TOX2: variants seen among roughly 807,000 people sequenced by gnomAD.
TOX2 encodes granulosa cell HMG box 1.
A neutral mutation model predicts 47.4 loss-of-function variants in TOX2; 15 were observed. The observed-to-expected ratio is 0.32, with a 90% CI of 0.21 to 0.49. The LOEUF (loss-of-function observed/expected upper bound fraction) is 0.49. TOX2 is among the 20% of genes least tolerant of loss of function. The probability of loss-of-function intolerance (pLI) is 0.99; values close to 1 mark genes in which losing one functional copy is unlikely to be tolerated. For missense variants in TOX2, 622 were observed against 673.1 expected, an observed-to-expected ratio of 0.92 and a Z score of 0.84; for synonymous variants, 290 against 296.6, an observed-to-expected ratio of 0.98 and a Z score of 0.23.
At chr20:43,917,732 T>C (rs1404698895) in intron 1 of TOX2, among the ~76,000 whole-genome samples, 2 of 152,120 alleles carry the variant, frequency 1.3e-5, no homozygotes, top group Admixed American at 1.3e-4. Context: ...TTTGAGAAAA[T>C]GCACACTAAT....
At chr20:43,998,428 C>T (rs1210871981) in intron 2 of TOX2, among the ~76,000 whole-genome samples, 1 of 152,140 alleles carries the variant, frequency 6.6e-6, no homozygotes, top group South Asian at 2.1e-4. Context: ...GTTCTATGGA[C>T]ATTTGAAAGG....
intron 2 of TOX2, among the ~76,000 whole-genome samples, chr20:43,977,221 G>T (rs1314566051): frequency 6.6e-6 from 1 of 152,158 alleles, no homozygotes; most frequent in Admixed American, 6.5e-5. Flanking sequence ...TCCAGCCTCA[G>T]CCTCCCGAGT....
chr20:43,968,089 C>G (rs115535329), intron 1 of TOX2, among the ~76,000 whole-genome samples: 2 of 152,136 alleles, frequency 1.3e-5, no homozygotes, highest in Non-Finnish European at 2.9e-5. Flanking sequence ...TTCATTCACC[C>G]GTCCGTCATC....
At chr20:43,976,782 G>GCACACACACATA (rs1555835311) in intron 2 of TOX2, among the ~76,000 whole-genome samples, 195 of 146,540 alleles carry the variant, frequency 1.3e-3, no homozygotes, top group African/African-American at 4.8e-3. Context: ...GAGCGCGCGC[G>GCACACACACATA]CACACACACA....
At chr20:43,933,528 G>A (rs56852079) in intron 1 of TOX2, among the ~76,000 whole-genome samples, 25,880 of 152,136 alleles carry the variant, frequency 0.17, 2,941 homozygotes, top group African/African-American at 0.3. Flanking sequence ...GAATCAAGGC[G>A]CTTGTGTTAG....
chr20:43,985,298 C>T (rs2070244521), intron 2 of TOX2, among the ~76,000 whole-genome samples: 1 of 152,242 alleles, frequency 6.6e-6, no homozygotes, highest in Non-Finnish European at 1.5e-5. Flanking sequence ...GGACAATGGT[C>T]TGTCCCAGAG....
Position 44,006,802 on chromosome 20 carries a change from T to C in TOX2, c.411+10T>C, listed in dbSNP as rs1163710392. 1 of 1,610,566 alleles carries C rather than the reference T, an allele frequency of 6.2e-7. No homozygotes were observed. The highest frequency in any genetic ancestry group is 8.5e-7 in the Non-Finnish European group (1 of 1,178,920). Reference sequence around the variant, plus strand: ...GGGCCAGCTGCCCACGGTGAGTCCCTATCGCCTGCTGCAGTTCCTGCTGAT... The same window carrying C: ...GGGCCAGCTGCCCACGGTGAGTCCCCATCGCCTGCTGCAGTTCCTGCTGAT... On this transcript the variant is annotated intron_variant, in intron 3 of 8. Transcript: ENST00000341197.
chr20:44,001,903 G>A (rs983528658), intron 2 of TOX2, among the ~76,000 whole-genome samples: 2 of 152,158 alleles, frequency 1.3e-5, no homozygotes, highest in African/African-American at 4.8e-5. Context: ...AGGCACTGAG[G>A]ACAAGAGAGT....
intron 3 of TOX2, among the ~76,000 whole-genome samples, chr20:44,048,417 T>TATATATATATATATATATAA (rs1388097590): frequency 7.2e-6 from 1 of 139,608 alleles, no homozygotes; most frequent in African/African-American, 2.7e-5. Flanking sequence ...TATATATGTA[T>TATATATATATATATATATAA]AATTTACCAA....
At chr20:43,967,004 G>T (rs114509162) in intron 1 of TOX2, among the ~76,000 whole-genome samples, 1 of 152,104 alleles carries the variant, frequency 6.6e-6, no homozygotes, top group Non-Finnish European at 1.5e-5. Flanking sequence ...GTGCCCCTAC[G>T]CTGTGCATAC....
chr20:44,050,438 TAGAA>T (rs1205746819), intron 3 of TOX2, among the ~76,000 whole-genome samples: 2 of 152,110 alleles, frequency 1.3e-5, no homozygotes, highest in African/African-American at 2.4e-5. Flanking sequence ...TGTTAGAAAT[TAGAA>T]AGGGCAAATA....
At position 43,916,948 on chromosome 20, in the gene TOX2, G is replaced by A. The variant is rs371560836; in HGVS notation, c.99+1958G>A. Among the ~76,000 whole-genome samples the A allele has an allele frequency of 2.0e-5, 3 of 152,158 alleles. No individual in the cohort carries two copies. Among genetic ancestry groups the A allele is most frequent in the Non-Finnish European group, 4.4e-5 (3 of 68,044 alleles). ...CAGCACCAGAACCTGTGCGAATCTCGCCGGGAAGGGCCCGTCAGGGAGGGA... is the reference window on the plus strand; with the variant it reads ...CAGCACCAGAACCTGTGCGAATCTCACCGGGAAGGGCCCGTCAGGGAGGGA... On this transcript the variant is annotated intron_variant, in intron 1 of 8. Coordinates refer to ENST00000341197, the MANE Select transcript of TOX2 (RefSeq NM_001098797.2). This position sits in a 1 kb window ranked among gnomAD's most constrained non-coding sequence, Gnocchi z 5.0.
chr20:43,932,735 C>T (rs1226520956), intron 1 of TOX2, among the ~76,000 whole-genome samples: 1 of 151,724 alleles, frequency 6.6e-6, no homozygotes, highest in Non-Finnish European at 1.5e-5. Flanking sequence ...GGCCCGCACC[C>T]TGGGTTGGGT....
intron 2 of TOX2, among the ~76,000 whole-genome samples, chr20:43,988,120 A>G (rs935175663): frequency 6.6e-6 from 1 of 151,786 alleles, no homozygotes; most frequent in African/African-American, 2.4e-5. Flanking sequence ...GGGCTTTACC[A>G]TGTTGGCCAA....
At chr20:43,994,476 A>G (rs1484094028) in intron 2 of TOX2, among the ~76,000 whole-genome samples, 1 of 151,350 alleles carries the variant, frequency 6.6e-6, no homozygotes, top group East Asian at 1.9e-4. Flanking sequence ...AAAAAAAAAG[A>G]CTACCACTTA....
chr20:43,921,879 G>C (rs1299073684), intron 1 of TOX2, among the ~76,000 whole-genome samples: 1 of 152,152 alleles, frequency 6.6e-6, no homozygotes, highest in East Asian at 1.9e-4. Flanking sequence ...CCCTAGACCT[G>C]ATTTTCCTGA....
intron 1 of TOX2, among the ~76,000 whole-genome samples, chr20:43,972,878 A>C (rs1225504254): frequency 6.6e-6 from 1 of 152,226 alleles, no homozygotes; most frequent in Non-Finnish European, 1.5e-5. Flanking sequence ...GGCATAGGTG[A>C]TGGGCCAAAA....
chr20:44,041,975 G>GCAAT (rs1469598631), intron 3 of TOX2, among the ~76,000 whole-genome samples: 1 of 152,210 alleles, frequency 6.6e-6, no homozygotes, highest in African/African-American at 2.4e-5. Flanking sequence ...AGAAGAATTT[G>GCAAT]CAATCAGGAA....
At chr20:44,054,607 C>T (rs568147423) in intron 5 of TOX2, 81 bp downstream of exon 5, 5 of 1,431,616 alleles carry the variant, frequency 3.5e-6, no homozygotes, top group South Asian at 1.2e-5. Flanking sequence ...GGTCTGAAAC[C>T]AGGCCCAGCT....
Sources: gnomAD v4.1 joint callset for allele counts (sites outside exome capture counted in the v4.1 genomes callset) on GRCh38, gnomAD v4.1.1 for gene constraint, Gnocchi (gnomAD v3.1) non-coding constraint, MANE v1.5 for transcripts, NCBI Gene and HGNC (gene_info 2026-07-23, HGNC 2026-07-21) for gene names.